NLGN1: variants seen among roughly 807,000 people sequenced by gnomAD.
The protein encoded by NLGN1 is neuroligin 1, also known as neuroligin-1.
Under a neutral mutation model 65.5 loss-of-function variants are expected in NLGN1, and 12 were observed. The observed-to-expected ratio is 0.18, with a 90% CI of 0.12 to 0.30. The LOEUF (loss-of-function observed/expected upper bound fraction) is 0.30. Among genes scored for constraint, NLGN1 ranks in the 10% least tolerant of loss-of-function variants. The probability of loss-of-function intolerance (pLI) is 1.00; values close to 1 mark genes in which losing one functional copy is unlikely to be tolerated. For missense variants in NLGN1, 750 were observed against 1,007.1 expected, an observed-to-expected ratio of 0.74 and a Z score of 3.46; for synonymous variants, 350 against 359.5, an observed-to-expected ratio of 0.97 and a Z score of 0.30.
chr3:174,047,556 A>G (rs969016318), intron 4 of NLGN1, among the ~76,000 whole-genome samples: 2 of 152,088 alleles, frequency 1.3e-5, no homozygotes, highest in Non-Finnish European at 2.9e-5. Flanking sequence ...GAGATTTTAC[A>G]GTCTGATAGG....
rs538144822 is a variant in NLGN1 at position 173,852,249 on chromosome 3, G to A, written c.646+44417G>A. Among the ~76,000 whole-genome samples the A allele has an allele frequency of 2.3e-3, 335 of 148,290 alleles. 1 individual carries two copies. The highest frequency in any genetic ancestry group is 3.9e-3 in the Non-Finnish European group (262 of 67,176). On this transcript the variant is annotated intron_variant, in intron 4 of 6. Coordinates refer to ENST00000457714, the Ensembl canonical transcript of NLGN1. ...CGGGCGCCTGTAGTCCCAGCTACTCGGGAGGCTGAGGCAGGAGAATGGCGT... is the reference window on the plus strand; with the variant it reads ...CGGGCGCCTGTAGTCCCAGCTACTCAGGAGGCTGAGGCAGGAGAATGGCGT...
intron 4 of NLGN1, among the ~76,000 whole-genome samples, chr3:173,967,854 T>A (rs1715224117): frequency 6.6e-6 from 1 of 152,202 alleles, no homozygotes. Context: ...TTTTTCTTTT[T>A]TAGAAATTTG....
intron 2 of NLGN1, among the ~76,000 whole-genome samples, chr3:173,539,803 TA>T (rs1012600501): frequency 2.2e-4 from 31 of 139,662 alleles, no homozygotes; most frequent in Non-Finnish European, 2.7e-4. Context: ...TATACATATA[TA>T]TACATATATA....
chr3:173,858,102 A>G (rs1728346196), intron 4 of NLGN1, among the ~76,000 whole-genome samples: 1 of 152,080 alleles, frequency 6.6e-6, no homozygotes, highest in Admixed American at 6.6e-5. Flanking sequence ...TAGGAAGAGA[A>G]CTATTTCAAG....
chr3:174,154,940 TATATAATATATA>T (rs1446856758), intron 4 of NLGN1, among the ~76,000 whole-genome samples: 3 of 131,936 alleles, frequency 2.3e-5, no homozygotes, highest in Admixed American at 1.6e-4. Flanking sequence ...TTATATTTTA[TATATAATATATA>T]ATATAATATA....
intron 2 of NLGN1, among the ~76,000 whole-genome samples, chr3:173,447,336 G>A (rs1438938016): frequency 6.6e-6 from 1 of 152,098 alleles, no homozygotes; most frequent in African/African-American, 2.4e-5. Flanking sequence ...TTTCCCCATT[G>A]CTTGTTTTTC....
At chr3:174,210,725 C>A (rs1934522210) in intron 4 of NLGN1, among the ~76,000 whole-genome samples, 1 of 152,162 alleles carries the variant, frequency 6.6e-6, no homozygotes, top group Non-Finnish European at 1.5e-5. Context: ...TATCAAGTAG[C>A]AGTTAAAAAA....
At chr3:173,445,509 C>A (rs1720102395) in intron 2 of NLGN1, among the ~76,000 whole-genome samples, 1 of 152,178 alleles carries the variant, frequency 6.6e-6, no homozygotes, top group Non-Finnish European at 1.5e-5. Flanking sequence ...TGCCAATGAT[C>A]TCATAGCTAG....
intron 4 of NLGN1, among the ~76,000 whole-genome samples, chr3:174,114,757 A>G (rs1193713771): frequency 6.6e-6 from 1 of 152,138 alleles, no homozygotes; most frequent in South Asian, 2.1e-4. Flanking sequence ...TCATAGATGT[A>G]CCCAGAAAAT....
chr3:173,818,485 G>A (rs933158099), intron 4 of NLGN1, among the ~76,000 whole-genome samples: 4 of 151,906 alleles, frequency 2.6e-5, no homozygotes, highest in Non-Finnish European at 2.9e-5. Flanking sequence ...AGAACAAATC[G>A]TTTAAAAAAG....
chr3:173,663,181 G>C (rs1761180894), intron 3 of NLGN1, among the ~76,000 whole-genome samples: 1 of 151,810 alleles, frequency 6.6e-6, no homozygotes, highest in Non-Finnish European at 1.5e-5. Context: ...TCTCATTTCT[G>C]AGTCTCAGTG....
intron 4 of NLGN1, among the ~76,000 whole-genome samples, chr3:174,218,543 C>A (rs1738068948): frequency 6.6e-6 from 1 of 152,006 alleles, no homozygotes; most frequent in African/African-American, 2.4e-5. Context: ...TTGAGAACCT[C>A]ACCTCATAAT....
chr3:174,014,339 T>C (rs1726127636), intron 4 of NLGN1, among the ~76,000 whole-genome samples: 1 of 152,270 alleles, frequency 6.6e-6, no homozygotes. Flanking sequence ...ATGTTTTTAC[T>C]TTATTGTGCC....
intron 4 of NLGN1, among the ~76,000 whole-genome samples, chr3:174,236,881 T>C (rs16858304): frequency 0.051 from 7,718 of 152,178 alleles, 632 homozygotes; most frequent in African/African-American, 0.18. Context: ...GTTTCCCAGT[T>C]AGTACACAAT....
intron 2 of NLGN1, among the ~76,000 whole-genome samples, chr3:173,438,482 C>T (rs1008257493): frequency 4.6e-5 from 7 of 152,190 alleles, no homozygotes; most frequent in Admixed American, 3.9e-4. Flanking sequence ...ATCCTGGGCT[C>T]ACAGATCCAA....
intron 1 of NLGN1, among the ~76,000 whole-genome samples, chr3:173,422,080 T>C (rs1715183282): frequency 6.6e-6 from 1 of 152,060 alleles, no homozygotes; most frequent in South Asian, 2.1e-4. Context: ...TATCATGATA[T>C]ATATATGTGT....
chr3:173,834,863 A>C (rs936048010), intron 4 of NLGN1, among the ~76,000 whole-genome samples: 1 of 152,114 alleles, frequency 6.6e-6, no homozygotes, highest in Non-Finnish European at 1.5e-5. Context: ...GCACTTACGA[A>C]ACTCAACAGG....
At chr3:173,747,308 A>ACTTT (rs1775603108) in intron 3 of NLGN1, among the ~76,000 whole-genome samples, 4 of 138,838 alleles carry the variant, frequency 2.9e-5, no homozygotes, top group Non-Finnish European at 4.6e-5. Flanking sequence ...ATGTATGTAT[A>ACTTT]TATTTATATA....
At chr3:173,849,563 T>C (rs1389117563) in intron 4 of NLGN1, among the ~76,000 whole-genome samples, 1 of 152,186 alleles carries the variant, frequency 6.6e-6, no homozygotes, top group Non-Finnish European at 1.5e-5. Flanking sequence ...GTATGCAAAA[T>C]GTTAGGCATC....
Sources: allele counts gnomAD v4.1 joint callset (sites outside exome capture counted in the v4.1 genomes callset), GRCh38; gene constraint gnomAD v4.1.1; transcripts MANE v1.5; gene names NCBI Gene and HGNC (gene_info 2026-07-23, HGNC 2026-07-21).